Variants in LMBR1 observed in about 807,000 individuals in gnomAD.
LMBR1 encodes the protein limb development membrane protein 1.
Under a neutral mutation model 73.9 loss-of-function variants are expected in LMBR1, and 52 were observed. That is an observed-to-expected ratio of 0.70 (90% confidence interval 0.56 to 0.89). The LOEUF (loss-of-function observed/expected upper bound fraction) is 0.89, where lower values mean the gene tolerates loss of function less well. Among genes scored for constraint, LMBR1 ranks in the 40% least tolerant of loss-of-function variants. LMBR1 has a pLI of 0.00. For missense variants in LMBR1, 539 were observed against 579.8 expected (o/e 0.93, Z 0.72); for synonymous variants, 215 against 209.4 (o/e 1.03, Z -0.23).
At chr7:156,744,347 T>C (rs1819468608) in intron 9 of LMBR1, among the ~76,000 whole-genome samples, 2 of 152,138 alleles carry the variant, frequency 1.3e-5, no homozygotes, top group East Asian at 3.8e-4. Flanking sequence ...TAAGGGCTTT[T>C]TTTTTTTTCC....
chr7:156,870,116 G>A (rs1799055836), intron 1 of LMBR1, among the ~76,000 whole-genome samples: 2 of 152,124 alleles, frequency 1.3e-5, no homozygotes, highest in South Asian at 2.1e-4. Context: ...AATAACGATT[G>A]GAGACTTCAA....
At chr7:156,703,510 G>C (rs1810247175) in intron 15 of LMBR1, among the ~76,000 whole-genome samples, 1 of 152,150 alleles carries the variant, frequency 6.6e-6, no homozygotes. Context: ...CGCTGCCACA[G>C]TCGGAACAAG....
chr7:156,789,339 T>C (rs1260782373), intron 5 of LMBR1, among the ~76,000 whole-genome samples: 4 of 152,224 alleles, frequency 2.6e-5, no homozygotes, highest in African/African-American at 7.2e-5. Flanking sequence ...GAATTTCCTT[T>C]CTTTAACGTA....
At chr7:156,688,576 C>A (rs1254916584) in intron 15 of LMBR1, among the ~76,000 whole-genome samples, 1 of 151,920 alleles carries the variant, frequency 6.6e-6, no homozygotes, top group Non-Finnish European at 1.5e-5. Context: ...GCAAGAGTCA[C>A]GATGAAAAAG....
intron 15 of LMBR1, among the ~76,000 whole-genome samples, chr7:156,692,427 A>AT (rs1260628868): frequency 6.6e-6 from 1 of 152,222 alleles, no homozygotes; most frequent in Non-Finnish European, 1.5e-5. Context: ...TCATGAAATT[A>AT]TATCAATTGG....
At chr7:156,780,392 A>G (rs1826917324) in intron 5 of LMBR1, among the ~76,000 whole-genome samples, 1 of 152,344 alleles carries the variant, frequency 6.6e-6, no homozygotes, top group African/African-American at 2.4e-5. Context: ...TATTAGACAA[A>G]TAAAAATCCT....
Position 156,726,386 on chromosome 7 carries a change from T to C in LMBR1, c.994-549A>G, listed in dbSNP as rs141276923. ...CAAAGGATGTAACTGTTAACATAGA[T>C]TTTTAAAAAAGTAATGCTATAAATT... On this transcript the variant is annotated intron_variant, in intron 12 of 16. Transcript: ENST00000353442. 2.7e-3 allele frequency among the ~76,000 whole-genome samples: 404 copies of C among 152,170 alleles called. 2 individuals are homozygous for C. The highest frequency in any genetic ancestry group is 9.3e-3 in the African/African-American group (387 of 41,560).
chr7:156,838,696 T>C (rs1838110482), intron 1 of LMBR1, among the ~76,000 whole-genome samples: 1 of 151,192 alleles, frequency 6.6e-6, no homozygotes, highest in South Asian at 2.1e-4. Flanking sequence ...CAGGTATCTC[T>C]TCAACACATT....
At chr7:156,823,528 G>A (rs1043300077) in intron 4 of LMBR1, 1 of 152,150 alleles carries the variant, frequency 6.6e-6, no homozygotes, top group Non-Finnish European at 1.5e-5. Context: ...GTTTCACAAA[G>A]AGGACAGGGT....
intron 1 of LMBR1, among the ~76,000 whole-genome samples, chr7:156,879,664 A>AAC (rs1460213441): frequency 1.3e-4 from 6 of 46,428 alleles, no homozygotes; most frequent in Admixed American, 5.3e-4. Flanking sequence ...ACTCTGTCTC[A>AAC]AAAAAAAAAA....
intron 12 of LMBR1, among the ~76,000 whole-genome samples, chr7:156,727,160 C>T (rs1465140907): frequency 6.6e-6 from 1 of 152,204 alleles, no homozygotes; most frequent in East Asian, 1.9e-4. Flanking sequence ...ATTACTTCTT[C>T]TCCCCTACAG....
Position 156,684,231 on chromosome 7 carries a change from G to C in LMBR1, c.1388-68C>G, listed in dbSNP as rs1173305416. On this transcript the variant is annotated intron_variant, in intron 16 of 16. Transcript: ENST00000353442. ...GAGTGGCTGGGAAAGGGTTAGGGTA[G>C]GGAGAAGAGGAGATTTACAAAGCTA... 2.5e-6 allele frequency: 3 copies of C among 1,184,644 alleles called. No homozygotes were observed. The African/African-American group carries it at 4.5e-5, about 18-fold the overall frequency. 73.4% of individuals were successfully genotyped at this position (1,184,644 alleles called of 1,614,324 possible).
chr7:156,796,370 C>T lies in LMBR1; in HGVS notation c.423+19G>A, dbSNP rs753140447. 1.3e-6 allele frequency: 2 copies of T among 1,526,700 alleles called. No homozygotes were observed. Among genetic ancestry groups the T allele is most frequent in the East Asian group, 4.6e-5 (2 of 43,380 alleles). The allele number at this position is 1,526,700 out of a possible 1,614,324, so 94.6% of individuals were successfully genotyped here. ...ATTCCTCACTTAACCAATTTAATTCCAATACTAGATTCACTTACCTTTTTC... is the reference window on the plus strand; with the variant it reads ...ATTCCTCACTTAACCAATTTAATTCTAATACTAGATTCACTTACCTTTTTC... On this transcript the variant is annotated intron_variant, in intron 5 of 16. Coordinates refer to ENST00000353442, the MANE Select transcript of LMBR1 (RefSeq NM_022458.4).
chr7:156,678,244 G>T lies in LMBR1; in HGVS notation c.*5834C>A. On this transcript the variant is annotated 3_prime_UTR_variant, in exon 17 of 17. Coordinates refer to ENST00000353442, the MANE Select transcript of LMBR1 (RefSeq NM_022458.4). Reference sequence around the variant, plus strand: ...GAACTAGTGTTAGTTGCAGGCAACAGATACTTAGGAAAATCGGTGGGATGA... The same window carrying T: ...GAACTAGTGTTAGTTGCAGGCAACATATACTTAGGAAAATCGGTGGGATGA... 1 of 152,390 alleles carries T rather than the reference G, an allele frequency of 6.6e-6. No individual in the cohort carries two copies. 9.4% of individuals were successfully genotyped at this position (152,390 alleles called of 1,614,324 possible).
At chr7:156,768,829 C>T (rs934244945) in intron 5 of LMBR1, among the ~76,000 whole-genome samples, 10 of 152,076 alleles carry the variant, frequency 6.6e-5, no homozygotes, top group African/African-American at 1.2e-4. Context: ...GTCACATGGC[C>T]CCACAGGTTG....
intron 5 of LMBR1, among the ~76,000 whole-genome samples, chr7:156,781,662 C>T (rs1827152982): frequency 6.6e-6 from 1 of 152,106 alleles, no homozygotes; most frequent in African/African-American, 2.4e-5. Context: ...TACTATTTAG[C>T]TTTACATGTC....
intron 8 of LMBR1, 148 bp downstream of exon 8, chr7:156,761,986 A>AAAAAAAAAAAAAC: frequency 1.0e-5 from 6 of 578,160 alleles, no homozygotes; most frequent in Non-Finnish European, 1.2e-5. Context: ...CAAAAAAAAA[A>AAAAAAAAAAAAAC]AAAAAACTTA....
intron 1 of LMBR1, among the ~76,000 whole-genome samples, chr7:156,856,660 C>G (rs1263621210): frequency 6.6e-6 from 1 of 151,434 alleles, no homozygotes; most frequent in Non-Finnish European, 1.5e-5. Context: ...AGGCAGAGGT[C>G]ACACCACTGC....
intron 1 of LMBR1, among the ~76,000 whole-genome samples, chr7:156,840,742 G>A (rs2365748): frequency 0.36 from 53,484 of 150,404 alleles, 9,832 homozygotes; most frequent in East Asian, 0.57. Flanking sequence ...GGTGGATCAC[G>A]AGGTCAGGAG....
Sources: gnomAD v4.1 joint callset for allele counts (sites outside exome capture counted in the v4.1 genomes callset) on GRCh38, gnomAD v4.1.1 for gene constraint, MANE v1.5 for transcripts, NCBI Gene and HGNC (gene_info 2026-07-23, HGNC 2026-07-21) for gene names.